The following RERE variants were observed in gnomAD, a reference collection of about 807,000 sequenced individuals.
The protein encoded by RERE is arginine-glutamic acid dipeptide repeats.
In RERE, 40 loss-of-function variants were observed where a neutral mutation model predicts 146.1. The observed-to-expected ratio is 0.27, with a 90% CI of 0.21 to 0.36. The LOEUF (loss-of-function observed/expected upper bound fraction) is 0.36. Ranked by LOEUF, RERE falls within the 10% of genes least tolerant of loss-of-function variation. RERE has a pLI of 1.00. For synonymous variants in RERE, 1,003 were observed against 866.0 expected (o/e 1.16, Z -2.78); for missense variants, 1,933 against 2,138.7 (o/e 0.90, Z 1.90).
At chr1:8,793,689 G>A (rs886356641) in intron 1 of RERE, among the ~76,000 whole-genome samples, 4 of 152,144 alleles carry the variant, frequency 2.6e-5, no homozygotes, top group Non-Finnish European at 2.9e-5. Context: ...TTCAGAGGGC[G>A]GAAAGAAAGG....
At chr1:8,646,081 AGTCT>A (rs1647294049) in intron 2 of RERE, among the ~76,000 whole-genome samples, 2 of 5,818 alleles carry the variant, frequency 3.4e-4, no homozygotes, top group Admixed American at 1.7e-3. Flanking sequence ...CCTGAACCTG[AGTCT>A]ACCTAACAAC....
At chr1:8,426,250 C>G in intron 11 of RERE, among the ~76,000 whole-genome samples, 1 of 151,936 alleles carries the variant, frequency 6.6e-6, no homozygotes, top group East Asian at 1.9e-4. Flanking sequence ...GCCAGGAGAT[C>G]GAGACCATCC....
At chr1:8,621,690 T>C (rs1338647030) in intron 3 of RERE, among the ~76,000 whole-genome samples, 1 of 152,254 alleles carries the variant, frequency 6.6e-6, no homozygotes, top group Non-Finnish European at 1.5e-5. Flanking sequence ...CGGGTTTTTG[T>C]TTCTTTCATT....
chr1:8,638,216 C>T (rs1043470841), intron 2 of RERE, among the ~76,000 whole-genome samples: 10 of 152,138 alleles, frequency 6.6e-5, no homozygotes, highest in African/African-American at 2.4e-4. Context: ...TACTAGAGGT[C>T]ACTCCCTGAA....
At chr1:8,437,071 T>A (rs952852789) in intron 11 of RERE, among the ~76,000 whole-genome samples, 1 of 152,146 alleles carries the variant, frequency 6.6e-6, no homozygotes, top group African/African-American at 2.4e-5. Flanking sequence ...TAAAACCACA[T>A]AGGGCCGTTA....
In RERE at chr1:8,488,771, G is replaced by T. The variant is rs1397121485; in HGVS notation, c.1104+6292C>A. ...AAGATCCAAACATAAAAAAGCAGCT[G>T]ATTTTCAATAACAATGTCAAGGCAG... is the stretch of plus-strand genomic sequence containing the variant. On this transcript the variant is annotated intron_variant, in intron 10 of 22. Transcript: ENST00000400908. 2.8e-4 allele frequency among the ~76,000 whole-genome samples: 42 copies of T among 152,106 alleles called. 1 individual carries two copies. The highest frequency in any genetic ancestry group is 2.8e-3 in the Admixed American group (42 of 15,266).
chr1:8,658,431 G>A (rs1638376099), intron 1 of RERE, among the ~76,000 whole-genome samples: 1 of 152,164 alleles, frequency 6.6e-6, no homozygotes, highest in South Asian at 2.1e-4. Flanking sequence ...AAACAAATCA[G>A]TTTGCAGTTA....
intron 8 of RERE, among the ~76,000 whole-genome samples, chr1:8,500,479 T>C (rs113053703): frequency 1.3e-4 from 20 of 151,854 alleles, no homozygotes; most frequent in East Asian, 3.9e-4. Context: ...CCCGAGGTGC[T>C]GGGATTGCAG....
chr1:8,358,985 G>A, intron 19 of RERE, 69 bp from the exon 20 acceptor site: 1 of 1,478,786 alleles, frequency 6.8e-7, no homozygotes, highest in Non-Finnish European at 8.9e-7. Context: ...CCACACTGCG[G>A]AGGTGGGCCT....
intron 1 of RERE, among the ~76,000 whole-genome samples, chr1:8,795,872 C>G (rs1641460334): frequency 6.6e-6 from 1 of 151,472 alleles, no homozygotes; most frequent in Non-Finnish European, 1.5e-5. Flanking sequence ...ATCCCAACTA[C>G]TCAGGAGGCT....
At chr1:8,485,180 G>A (rs1271661738) in intron 10 of RERE, among the ~76,000 whole-genome samples, 1 of 152,094 alleles carries the variant, frequency 6.6e-6, no homozygotes, top group Non-Finnish European at 1.5e-5. Context: ...TGACCAATAT[G>A]GAGAAACCCC....
intron 9 of RERE, among the ~76,000 whole-genome samples, chr1:8,496,552 T>TA (rs1240732333): frequency 3.3e-5 from 5 of 152,140 alleles, no homozygotes; most frequent in Non-Finnish European, 5.9e-5. Context: ...CATCCAGGGT[T>TA]AAAATTCAGA....
At chr1:8,744,905 A>G (rs964196092) in intron 1 of RERE, among the ~76,000 whole-genome samples, 2 of 152,150 alleles carry the variant, frequency 1.3e-5, no homozygotes, top group Non-Finnish European at 2.9e-5. Context: ...AACAAAAATC[A>G]CATATTAGGA....
chr1:8,766,557 A>G (rs1162023458), intron 1 of RERE, among the ~76,000 whole-genome samples: 1 of 150,468 alleles, frequency 6.6e-6, no homozygotes, highest in Admixed American at 6.6e-5. Flanking sequence ...AAAAAAAAAA[A>G]AAAAAAGAAA....
intron 2 of RERE, among the ~76,000 whole-genome samples, chr1:8,626,198 A>G (rs576244382): frequency 2.0e-4 from 31 of 152,340 alleles, no homozygotes; most frequent in African/African-American, 6.7e-4. Context: ...AAGAAACTCA[A>G]TTCCCTAGAT....
intron 11 of RERE, among the ~76,000 whole-genome samples, chr1:8,456,445 C>T (rs928747641): frequency 1.3e-5 from 2 of 152,086 alleles, no homozygotes; most frequent in Admixed American, 1.3e-4. Context: ...AAACCAGTTA[C>T]AAAACAAAAA....
rs200722937 is a variant in RERE at position 8,358,200 on chromosome 1, G to T, written c.4335C>A (p.His1445Gln). 43 of 1,590,430 alleles carry T rather than the reference G, an allele frequency of 2.7e-5. 1 individual carries two copies. The Middle Eastern group carries it at 1.0e-3, about 37-fold the overall frequency. ...CTGCCACGCTGGGGCACGCACCTTG[G>T]TGGAGGGGGTCCTGCTGGTGGAGGT... Reference protein sequence around the residue: ...HLHLHQQDPLHQGSAGPVHPL... With the variant: ...HLHLHQQDPLQQGSAGPVHPL... Residue 1445 changes from histidine (H) to glutamine (Q), a missense_variant, in exon 20 of 23, where the codon CAC becomes CAA. His to Gln is a conservative substitution (Grantham distance 24). This residue lies in a region of RERE where 133 missense variants were observed against 168.6 expected (regional missense o/e 0.79). Coordinates refer to ENST00000400908, the MANE Select transcript of RERE (RefSeq NM_001042681.2).
chr1:8,700,165 C>T (rs1639417015), intron 1 of RERE, among the ~76,000 whole-genome samples: 1 of 151,934 alleles, frequency 6.6e-6, no homozygotes, highest in African/African-American at 2.4e-5. Context: ...ATTAGCCAGG[C>T]GTGGTGGCAC....
rs1643949266 is a variant in RERE at position 8,423,610 on chromosome 1, T to G, written c.1204-803A>C. The G allele has an allele frequency of 1.0e-6, 1 of 984,986 alleles. No homozygotes were observed. The highest frequency in any genetic ancestry group is 1.2e-6 in the Non-Finnish European group (1 of 829,786). The allele number at this position is 984,986 out of a possible 1,614,324, so 61.0% of individuals were successfully genotyped here. On this transcript the variant is annotated intron_variant, in intron 11 of 22. Coordinates refer to ENST00000400908, the MANE Select transcript of RERE (RefSeq NM_001042681.2). The surrounding 1 kb of genome is among the most constrained non-coding windows in gnomAD (Gnocchi z 5.4). ...GGCGGCCGACCCCAGCAGCCACAGG[T>G]AAGCGCCCGGGGTCCGGGGCGGCAA...
Sources: gnomAD v4.1 joint callset for allele counts (sites outside exome capture counted in the v4.1 genomes callset) on GRCh38, gnomAD v4.1.1 for gene constraint, gnomAD v4.1.1 regional missense constraint, Gnocchi (gnomAD v3.1) non-coding constraint, MANE v1.5 for transcripts, NCBI Gene and HGNC (gene_info 2026-07-23, HGNC 2026-07-21) for gene names.